ARHGAP42: variants seen among roughly 807,000 people sequenced by gnomAD.
The protein encoded by ARHGAP42 is Rho GTPase activating protein 42, also known as rho GTPase-activating protein 42.
ARHGAP42 carries 63 observed loss-of-function variants against 125.0 expected under a neutral mutation model. The observed-to-expected ratio is 0.50, with a 90% CI of 0.41 to 0.62. The LOEUF (loss-of-function observed/expected upper bound fraction) is 0.62. Among genes scored for constraint, ARHGAP42 ranks in the 20% least tolerant of loss-of-function variants. ARHGAP42 has a pLI of 0.00. For synonymous variants in ARHGAP42, 339 were observed against 351.0 expected (o/e 0.97, Z 0.38); for missense variants, 766 against 1,024.2 (o/e 0.75, Z 3.44).
intron 4 of ARHGAP42, among the ~76,000 whole-genome samples, chr11:100,878,712 C>G (rs1279734320): frequency 6.6e-6 from 1 of 152,038 alleles, no homozygotes; most frequent in Non-Finnish European, 1.5e-5. Flanking sequence ...AAGTCAGTGG[C>G]AAGAGCATCC....
chr11:100,983,594 C>G (rs1053320445), intron 22 of ARHGAP42, among the ~76,000 whole-genome samples: 1 of 152,076 alleles, frequency 6.6e-6, no homozygotes, highest in Non-Finnish European at 1.5e-5. Context: ...AATAGATGCT[C>G]AATAAAATTG....
chr11:100,892,255 A>G (rs601496), intron 4 of ARHGAP42, among the ~76,000 whole-genome samples: 82,222 of 152,050 alleles, frequency 0.54, 23,750 homozygotes, highest in African/African-American at 0.68. Flanking sequence ...GACCTTGAGG[A>G]AGATCAGGTG....
chr11:100,952,507 C>T (rs1475596669), intron 12 of ARHGAP42, among the ~76,000 whole-genome samples: 19 of 152,140 alleles, frequency 1.2e-4, no homozygotes. Context: ...TTTGCATAAA[C>T]TAAACTTATT....
At chr11:100,927,714 T>C (rs2135253320) in intron 6 of ARHGAP42, among the ~76,000 whole-genome samples, 1 of 152,310 alleles carries the variant, frequency 6.6e-6, no homozygotes, top group South Asian at 2.1e-4. Flanking sequence ...AAAGTGTACC[T>C]CAGGCCTCTT....
chr11:100,955,397 T>C (rs1473339662), intron 12 of ARHGAP42, among the ~76,000 whole-genome samples: 1 of 152,104 alleles, frequency 6.6e-6, no homozygotes, highest in African/African-American at 2.4e-5. Flanking sequence ...ATTCTGGGTA[T>C]CCCTCTGCTT....
chr11:100,987,342 A>G (rs1858707726), intron 22 of ARHGAP42, among the ~76,000 whole-genome samples, 171 bp from the exon 23 acceptor site: 1 of 152,234 alleles, frequency 6.6e-6, no homozygotes, highest in South Asian at 2.1e-4. Flanking sequence ...TTGATCTGGT[A>G]ATATGATTGT....
chr11:100,698,784 G>T (rs1591113340), intron 1 of ARHGAP42, among the ~76,000 whole-genome samples: 1 of 152,312 alleles, frequency 6.6e-6, no homozygotes, highest in Admixed American at 6.5e-5. Flanking sequence ...CAACTTTAGA[G>T]ATAATCGAGG....
At chr11:100,751,279 G>GTGT (rs761001184) in intron 1 of ARHGAP42, among the ~76,000 whole-genome samples, 9 of 93,476 alleles carry the variant, frequency 9.6e-5, no homozygotes, top group African/African-American at 3.0e-4. Context: ...GTGTGTGTGT[G>GTGT]TTTTTTTTTT....
intron 6 of ARHGAP42, among the ~76,000 whole-genome samples, chr11:100,932,301 G>A (rs1867607494): frequency 6.6e-6 from 1 of 152,150 alleles, no homozygotes; most frequent in Non-Finnish European, 1.5e-5. Context: ...TACATTATGA[G>A]TGACTTTTCA....
At position 100,851,980 on chromosome 11, in the gene ARHGAP42, G is replaced by T. The variant is rs1044260121; in HGVS notation, c.313-7574G>T. On this transcript the variant is annotated intron_variant, in intron 3 of 23. Coordinates refer to ENST00000298815, the MANE Select transcript of ARHGAP42 (RefSeq NM_152432.4). The stretch of plus-strand genomic sequence containing the variant: ...CCCAGTGCAGGTTGGGAAGAGATGA[G>T]CACAAAGGTTCTGTGAGCCACTATG... 4.2e-4 allele frequency among the ~76,000 whole-genome samples: 64 copies of T among 152,132 alleles called. 2 individuals carry two copies. Among genetic ancestry groups the T allele is most frequent in the Admixed American group, 4.2e-3 (64 of 15,284 alleles).
At position 100,858,961 on chromosome 11, in the gene ARHGAP42, A is replaced by G. The variant is rs544217319; in HGVS notation, c.313-593A>G. On this transcript the variant is annotated intron_variant, in intron 3 of 23. Transcript: ENST00000298815. ...ATATTAAAAGATTTATTTGTTTTAA[A>G]GTTTAAGTAAATCTCAATGTGGAAT... is the stretch of plus-strand genomic sequence containing the variant. Among the ~76,000 whole-genome samples the G allele has an allele frequency of 2.6e-5, 4 of 152,258 alleles. No homozygotes were observed. The East Asian group carries it at 7.7e-4, about 29-fold the overall frequency.
chr11:100,839,936 A>T (rs1364271104), intron 3 of ARHGAP42: 1 of 152,190 alleles, frequency 6.6e-6, no homozygotes, highest in Admixed American at 6.6e-5. Flanking sequence ...TCCTAGAAGG[A>T]GACTGTAGTG....
At chr11:100,752,870 A>G (rs1368184258) in intron 1 of ARHGAP42, among the ~76,000 whole-genome samples, 1 of 152,176 alleles carries the variant, frequency 6.6e-6, no homozygotes, top group Admixed American at 6.5e-5. Context: ...GTGCAGTGTT[A>G]TTGTACCTGT....
chr11:100,738,932 G>A (rs1307669921), intron 1 of ARHGAP42, among the ~76,000 whole-genome samples: 4 of 152,136 alleles, frequency 2.6e-5, no homozygotes, highest in East Asian at 1.9e-4. Context: ...GCAATCAGGA[G>A]GCCACTCCTA....
At chr11:100,939,026 G>C (rs1432798790) in intron 8 of ARHGAP42, among the ~76,000 whole-genome samples, 1 of 152,202 alleles carries the variant, frequency 6.6e-6, no homozygotes, top group Non-Finnish European at 1.5e-5. Flanking sequence ...GTGATAAATG[G>C]AGATGGATGT....
At chr11:100,726,088 A>G (rs1256215539) in intron 1 of ARHGAP42, among the ~76,000 whole-genome samples, 1 of 151,810 alleles carries the variant, frequency 6.6e-6, no homozygotes, top group East Asian at 1.9e-4. Context: ...TCTAAAAAAA[A>G]AAAAAAAAAA....
intron 4 of ARHGAP42, among the ~76,000 whole-genome samples, chr11:100,867,894 G>A (rs907634024): frequency 6.6e-6 from 1 of 152,184 alleles, no homozygotes; most frequent in Non-Finnish European, 1.5e-5. Context: ...GCCTAATTGT[G>A]TGTCGGGGAA....
At chr11:100,912,583 A>T (rs1338242205) in intron 4 of ARHGAP42, among the ~76,000 whole-genome samples, 1 of 152,186 alleles carries the variant, frequency 6.6e-6, no homozygotes, top group South Asian at 2.1e-4. Context: ...TATTTGTTTC[A>T]TATGGACTTA....
At chr11:100,979,112 A>G in intron 22 of ARHGAP42, 63 bp downstream of exon 22, 1 of 1,473,982 alleles carries the variant, frequency 6.8e-7, no homozygotes, top group Non-Finnish European at 9.3e-7. Context: ...CTTTGTATTG[A>G]CATGACACTC....
Sources: gnomAD v4.1 joint callset for allele counts (sites outside exome capture counted in the v4.1 genomes callset) on GRCh38, gnomAD v4.1.1 for gene constraint, MANE v1.5 for transcripts, NCBI Gene and HGNC (gene_info 2026-07-23, HGNC 2026-07-21) for gene names.